The following PVALEF variants were observed in gnomAD, a reference collection of about 807,000 sequenced individuals.
PVALEF encodes parvalbumin-like EF-hand-containing protein.
A neutral mutation model predicts 1.2 loss-of-function variants in PVALEF; 2 were observed. That is an observed-to-expected ratio of 1.68 (90% CI 0.69 to 5.28). The LOEUF (loss-of-function observed/expected upper bound fraction) is 5.28. Among genes scored for constraint, PVALEF ranks in the 30% most tolerant of loss-of-function variants. PVALEF has a pLI of 0.06. For missense variants in PVALEF, 35 were observed against 17.7 expected (o/e 1.97, Z -1.75); for synonymous variants, 16 against 6.5 (o/e 2.47, Z -2.24).
intron 2 of PVALEF, among the ~76,000 whole-genome samples, chr17:81,167,940 C>T (rs1026769701): frequency 1.2e-4 from 19 of 152,208 alleles, no homozygotes; most frequent in African/African-American, 4.6e-4. Flanking sequence ...TCAGTGCCCA[C>T]CCAGTGGCAG....
rs149773764 is a variant in PVALEF at position 81,180,125 on chromosome 17, C to T, written c.-105+973C>T. Among the ~76,000 whole-genome samples, 49 of 152,316 alleles carry T rather than the reference C, an allele frequency of 3.2e-4. No homozygotes were observed. The East Asian group carries it at 5.0e-3, about 16-fold the overall frequency. ...CCCACCCTGTCTCCAGCCCGGATCTCGGGCTCCCCTGCCTTCGTTGGGGGC... is the reference window on the plus strand; with the variant it reads ...CCCACCCTGTCTCCAGCCCGGATCTTGGGCTCCCCTGCCTTCGTTGGGGGC... On this transcript the variant is annotated intron_variant, in intron 3 of 6. Transcript: ENST00000637878.
chr17:81,176,545 A>G (rs548213915), intron 2 of PVALEF, among the ~76,000 whole-genome samples: 21 of 151,858 alleles, frequency 1.4e-4, no homozygotes, highest in Non-Finnish European at 2.2e-4. Context: ...ACAAAACACA[A>G]TGAGATGCCA....
In PVALEF at chr17:81,181,604, A is replaced by C; in HGVS notation, c.152A>C (p.His51Pro). ...TTCTTCAAGCACATCCGCAAGCTCC[A>C]CGCCTCGGGCCAGCTGGACGACGCC... Reference protein sequence around the residue: ...LKFFKHIRKLHASGQLDDAIH... With the variant: ...LKFFKHIRKLPASGQLDDAIH... The change falls in exon 5 of 7, where the codon CAC becomes CCC. Residue 51 changes from histidine to proline, a missense_variant. Physicochemically the swap from His to Pro is moderately conservative, Grantham distance 77. Transcript: ENST00000637878. 4.7e-6 allele frequency: 2 copies of C among 428,050 alleles called. No homozygotes were observed. Among genetic ancestry groups the C allele is most frequent in the African/African-American group, 2.0e-5 (1 of 49,322 alleles). 26.5% of individuals were successfully genotyped at this position (428,050 alleles called of 1,614,324 possible). A position where few individuals can be genotyped will look rare whatever the true frequency, so the allele number is the denominator to read the frequency against.
chr17:81,182,116 C>T (rs1274859813), intron 6 of PVALEF, 35 bp downstream of exon 6: 2 of 398,602 alleles, frequency 5.0e-6, no homozygotes, highest in Non-Finnish European at 8.8e-6. Flanking sequence ...CCTCAGGACC[C>T]TCCTTCCCCT....
intron 2 of PVALEF, among the ~76,000 whole-genome samples, chr17:81,167,180 C>CTACT (rs2061499794): frequency 6.6e-6 from 1 of 152,218 alleles, no homozygotes; most frequent in South Asian, 2.1e-4. Context: ...GTAGTCTCAG[C>CTACT]TACTTGGGAG....
chr17:81,176,860 C>A (rs2146448165), intron 2 of PVALEF, among the ~76,000 whole-genome samples: 1 of 151,660 alleles, frequency 6.6e-6, no homozygotes, highest in South Asian at 2.1e-4. Context: ...ACGAAAAATC[C>A]AGGATCCATG....
rs1445191397 is a variant in PVALEF, at chr17:81,165,568, T to C, written c.-687T>C. 6 of 1,194,740 alleles carry C rather than the reference T, an allele frequency of 5.0e-6. No homozygotes were observed. The Admixed American group carries it at 6.7e-5, about 13-fold the overall frequency. The allele number at this position is 1,194,740 out of a possible 1,614,324, so 74.0% of individuals were successfully genotyped here. A position where few individuals can be genotyped will look rare whatever the true frequency, so the allele number is the denominator to read the frequency against. ...AGGGCCCCGGACCCAGGAGAGGCCA[T>C]GGAAAGCCTGAACCCCAGCTGGCTG... On this transcript the variant is annotated 5_prime_UTR_variant, in exon 1 of 7. The change abolishes an upstream ATG in the 5' untranslated region. Transcript: ENST00000637878.
chr17:81,165,909 G>A, intron 1 of PVALEF, 162 bp downstream of exon 1: 2 of 1,565,646 alleles, frequency 1.3e-6, no homozygotes, highest in Non-Finnish European at 8.6e-7. Context: ...GGAGGCAGCG[G>A]CGCGCAGGCC....
chr17:81,170,253 A>G (rs2061516108), intron 2 of PVALEF, among the ~76,000 whole-genome samples: 1 of 147,466 alleles, frequency 6.8e-6, no homozygotes, highest in Non-Finnish European at 1.5e-5. Flanking sequence ...GTGTGTGTGC[A>G]TGTCTGTGCA....
intron 5 of PVALEF, 100 bp from the exon 6 acceptor site, chr17:81,181,866 C>T (rs369903699): frequency 1.3e-5 from 5 of 397,950 alleles, no homozygotes; most frequent in African/African-American, 8.2e-5. Context: ...GCTCCCGGCC[C>T]GAAGTGCCCT....
chr17:81,166,277 C>T (rs1279260171), intron 1 of PVALEF, among the ~76,000 whole-genome samples: 2 of 80,494 alleles, frequency 2.5e-5, no homozygotes, highest in African/African-American at 9.3e-5. Context: ...GGGCCCTCCG[C>T]GGCCGGGGTG....
At chr17:81,170,048 G>T (rs1316486395) in intron 2 of PVALEF, among the ~76,000 whole-genome samples, 2 of 141,954 alleles carry the variant, frequency 1.4e-5, no homozygotes, top group South Asian at 2.1e-4. Flanking sequence ...TGGCATGTGT[G>T]TGCATGTGTG....
chr17:81,178,239 C>G (rs1325876149), intron 2 of PVALEF, among the ~76,000 whole-genome samples: 1 of 152,204 alleles, frequency 6.6e-6, no homozygotes, highest in Non-Finnish European at 1.5e-5. Flanking sequence ...GCAGAGGCTA[C>G]CACGGCCTAT....
chr17:81,166,439 A>C, intron 1 of PVALEF, among the ~76,000 whole-genome samples: 1 of 73,984 alleles, frequency 1.4e-5, no homozygotes, highest in Non-Finnish European at 2.5e-5. Flanking sequence ...GATGGCACGG[A>C]GTGGGGGGAT....
chr17:81,173,877 T>C (rs2061528396), intron 2 of PVALEF, among the ~76,000 whole-genome samples: 1 of 152,160 alleles, frequency 6.6e-6, no homozygotes, highest in Non-Finnish European at 1.5e-5. Flanking sequence ...ATATCTCTCA[T>C]GAACACAGAT....
intron 4 of PVALEF, 32 bp downstream of exon 4, chr17:81,181,364 C>T (rs757549282): frequency 4.6e-5 from 29 of 629,992 alleles, no homozygotes; most frequent in Non-Finnish European, 6.6e-5. Context: ...CGCGGCCCCC[C>T]GCCCGTCCAG....
chr17:81,165,668 C>T lies in PVALEF; in HGVS notation c.-587C>T. The stretch of plus-strand genomic sequence containing the variant: ...ACACCAGGGGCCCACGCAGGCCCTC[C>T]GTGCCCCAGTTACCTGTGCCCTGGA... On this transcript the variant is annotated 5_prime_UTR_variant, in exon 1 of 7. Transcript: ENST00000637878. The T allele has an allele frequency of 3.3e-6, 5 of 1,505,190 alleles. No individual in the cohort carries two copies. Among genetic ancestry groups the T allele is most frequent in the Non-Finnish European group, 4.4e-6 (5 of 1,127,252 alleles). The allele number at this position is 1,505,190 out of a possible 1,614,324, so 93.2% of individuals were successfully genotyped here.
chr17:81,180,548 C>T (rs2061550331), intron 3 of PVALEF, among the ~76,000 whole-genome samples: 1 of 152,214 alleles, frequency 6.6e-6, no homozygotes, highest in South Asian at 2.1e-4. Context: ...AGCCCATTCC[C>T]CACCATCTCC....
At position 81,182,815 on chromosome 17, in the gene PVALEF, C is replaced by T. The variant is rs74002098; in HGVS notation, c.359-150C>T. Reference sequence around the variant, plus strand: ...CGCCCCCGGCCAGATGGGCTGGAGGCCTGGTCCCTGCTCAAGGACTTGGGG... The same window carrying T: ...CGCCCCCGGCCAGATGGGCTGGAGGTCTGGTCCCTGCTCAAGGACTTGGGG... On this transcript the variant is annotated intron_variant, in intron 6 of 6. Transcript: ENST00000637878. The T allele has an allele frequency of 7.0e-3, 2,762 of 394,008 alleles. 55 individuals are homozygous for T. Among genetic ancestry groups the T allele is most frequent in the African/African-American group, 0.052 (2,538 of 48,654 alleles). 24.4% of individuals were successfully genotyped at this position (394,008 alleles called of 1,614,324 possible). A position where few individuals can be genotyped will look rare whatever the true frequency, so the allele number is the denominator to read the frequency against.
Sources: allele counts gnomAD v4.1 joint callset (sites outside exome capture counted in the v4.1 genomes callset), GRCh38; gene constraint gnomAD v4.1.1; transcripts MANE v1.5; gene names NCBI Gene and HGNC (gene_info 2026-07-23, HGNC 2026-07-21).